Variants in CTTNBP2 observed in about 807,000 individuals in gnomAD.
CTTNBP2 encodes cortactin binding protein 2.
A neutral mutation model predicts 156.9 loss-of-function variants in CTTNBP2; 108 were observed. The ratio of observed to expected loss-of-function variants is 0.69; its 90% CI spans 0.59 to 0.81. The LOEUF is 0.81. Ranked by LOEUF, CTTNBP2 falls within the 30% of genes least tolerant of loss-of-function variation. The pLI is 0.00. For missense variants in CTTNBP2, 1,924 were observed against 2,035.4 expected (o/e 0.95, Z 1.05); for synonymous variants, 767 against 751.8 (o/e 1.02, Z -0.33).
chr7:117,816,662 C>T (rs1214607218), intron 2 of CTTNBP2, among the ~76,000 whole-genome samples: 2 of 152,172 alleles, frequency 1.3e-5, no homozygotes, highest in Non-Finnish European at 2.9e-5. Context: ...TTTCAACAAA[C>T]AAAATGTGTA....
chr7:117,800,467 A>G (rs1303023317), intron 3 of CTTNBP2, among the ~76,000 whole-genome samples: 1 of 152,042 alleles, frequency 6.6e-6, no homozygotes, highest in Non-Finnish European at 1.5e-5. Flanking sequence ...AAAACTCATT[A>G]ATTTTTAGAC....
intron 1 of CTTNBP2, among the ~76,000 whole-genome samples, chr7:117,867,292 T>C (rs968582443): frequency 2.6e-5 from 4 of 152,150 alleles, no homozygotes; most frequent in Admixed American, 6.5e-5. Context: ...CTGGGTACTA[T>C]CTTTCTTCAG....
intron 2 of CTTNBP2, among the ~76,000 whole-genome samples, chr7:117,829,966 T>C (rs1404851991): frequency 2.0e-5 from 3 of 152,168 alleles, no homozygotes; most frequent in Non-Finnish European, 4.4e-5. Flanking sequence ...GCAGCTGTGT[T>C]TGAGAAAGAT....
At chr7:117,775,508 T>A (rs938256122) in intron 8 of CTTNBP2, among the ~76,000 whole-genome samples, 2 of 150,328 alleles carry the variant, frequency 1.3e-5, no homozygotes, top group Non-Finnish European at 3.0e-5. Context: ...CCCTGGGGAG[T>A]GGGTTCCTTT....
At chr7:117,831,183 A>G (rs1392190695) in intron 2 of CTTNBP2, among the ~76,000 whole-genome samples, 1 of 152,218 alleles carries the variant, frequency 6.6e-6, no homozygotes, top group Non-Finnish European at 1.5e-5. Flanking sequence ...GTGGATAAGC[A>G]AAAGAATCAG....
chr7:117,718,116 C>T lies in CTTNBP2; in HGVS notation c.4648G>A (p.Ala1550Thr). 1 of 1,607,496 alleles carries T rather than the reference C, an allele frequency of 6.2e-7. No individual in the cohort carries two copies. The highest frequency in any genetic ancestry group is 1.1e-5 in the South Asian group (1 of 90,670). ...SKSESDISKI[A>T]DSRDDLRMFD... The stretch of plus-strand genomic sequence containing the variant: ...ATCCTTAAATCATCCCTGGAATCAG[C>T]AATCTAGAAAATACAGAATTTGCCC... The change falls in exon 22 of 23, where the codon GCT becomes ACT. Residue 1550 changes from alanine (A) to threonine (T), a missense_variant. By Grantham distance (58) the Ala-to-Thr change is moderately conservative. Coordinates refer to ENST00000160373, the MANE Select transcript of CTTNBP2 (RefSeq NM_033427.3).
At chr7:117,854,335 G>T (rs1406379392) in intron 2 of CTTNBP2, among the ~76,000 whole-genome samples, 1 of 152,162 alleles carries the variant, frequency 6.6e-6, no homozygotes, top group Non-Finnish European at 1.5e-5. Flanking sequence ...AAGACTGCAT[G>T]TTTTACTTAG....
chr7:117,772,846 GCCCATGT>G (rs1286890172), intron 8 of CTTNBP2, among the ~76,000 whole-genome samples: 1 of 152,126 alleles, frequency 6.6e-6, no homozygotes, highest in Non-Finnish European at 1.5e-5. Flanking sequence ...ACACTGGATG[GCCCATGT>G]CTTGGATGAG....
intron 2 of CTTNBP2, among the ~76,000 whole-genome samples, chr7:117,847,114 G>T (rs963767882): frequency 1.3e-5 from 2 of 151,796 alleles, no homozygotes; most frequent in Non-Finnish European, 2.9e-5. Flanking sequence ...AGATTACAGG[G>T]TTACCAAAAT....
chr7:117,810,884 C>G lies in CTTNBP2; in HGVS notation c.295G>C (p.Glu99Gln). 1 of 1,614,122 alleles carries G rather than the reference C, an allele frequency of 6.2e-7. No homozygotes were observed. Among genetic ancestry groups the G allele is most frequent in the Non-Finnish European group, 8.5e-7 (1 of 1,179,992 alleles). ...GGGTTGGTACAAACTGGCTTCTTCT[C>G]TTTGTCACCAGCACCTGCTTCATAG... Reference protein sequence around the residue: ...RDYEAGAGDKEKKPVCTNPLS... With the variant: ...RDYEAGAGDKQKKPVCTNPLS... Residue 99 changes from glutamate to glutamine, a missense_variant, in exon 3 of 23, where the codon GAG (glutamate) becomes CAG (glutamine). Physicochemically the swap from Glu to Gln is conservative, Grantham distance 29 (BLOSUM62 2). Coordinates refer to ENST00000160373, the MANE Select transcript of CTTNBP2 (RefSeq NM_033427.3).
At chr7:117,816,984 T>C (rs1386493758) in intron 2 of CTTNBP2, among the ~76,000 whole-genome samples, 1 of 151,886 alleles carries the variant, frequency 6.6e-6, no homozygotes, top group African/African-American at 2.4e-5. Context: ...CATAAACTAG[T>C]TTTAATAATA....
chr7:117,774,591 G>A (rs1205750204), intron 8 of CTTNBP2, among the ~76,000 whole-genome samples: 2 of 152,052 alleles, frequency 1.3e-5, no homozygotes, highest in African/African-American at 4.8e-5. Context: ...TTATGAGGTG[G>A]AACAGTTTCA....
chr7:117,718,720 T>A (rs191817347), intron 21 of CTTNBP2, among the ~76,000 whole-genome samples: 1 of 152,334 alleles, frequency 6.6e-6, no homozygotes, highest in African/African-American at 2.4e-5. Flanking sequence ...TTAGAGATTA[T>A]GATGATATGC....
At chr7:117,836,528 AC>A (rs879393744) in intron 2 of CTTNBP2, among the ~76,000 whole-genome samples, 8 of 152,170 alleles carry the variant, frequency 5.3e-5, no homozygotes, top group Admixed American at 1.3e-4. Flanking sequence ...GCGCCACTGC[AC>A]TCCAGCCTGG....
At position 117,792,349 on chromosome 7, in the gene CTTNBP2, G is replaced by A. The variant is rs369509225; in HGVS notation, c.847C>T (p.Arg283Trp). Reference sequence around the variant, plus strand: ...ACCAAACGCCTATCTTTTGTCTTCCGTGGAAGAGAGAGGCTTGGTTTGCTG... The same window carrying A: ...ACCAAACGCCTATCTTTTGTCTTCCATGGAAGAGAGAGGCTTGGTTTGCTG... ...SDSKPSLSLP[R>W]KTKDRRLVSI... Residue 283 changes from arginine to tryptophan, a missense_variant, in exon 4 of 23, where the codon CGG becomes TGG. Arg to Trp is a moderately radical substitution (Grantham distance 101). Transcript: ENST00000160373. The surrounding 1 kb of genome is among the most constrained non-coding windows in gnomAD (Gnocchi z 4.2). The A allele has an allele frequency of 1.4e-5, 22 of 1,614,136 alleles. No individual in the cohort carries two copies. The highest frequency in any genetic ancestry group is 1.3e-4 in the African/African-American group (10 of 75,032).
intron 9 of CTTNBP2, among the ~76,000 whole-genome samples, chr7:117,765,382 A>G (rs1418055306): frequency 6.6e-6 from 1 of 152,014 alleles, no homozygotes; most frequent in Non-Finnish European, 1.5e-5. Context: ...GAAATGATCC[A>G]CTCTTTTGCA....
chr7:117,774,281 C>A (rs1797979523), intron 8 of CTTNBP2, among the ~76,000 whole-genome samples: 1 of 152,126 alleles, frequency 6.6e-6, no homozygotes, highest in Non-Finnish European at 1.5e-5. Flanking sequence ...ATTTGATCTT[C>A]AGGAATTAGT....
intron 3 of CTTNBP2, among the ~76,000 whole-genome samples, chr7:117,802,447 A>AC (rs1234308055): frequency 2.8e-5 from 4 of 142,820 alleles, no homozygotes; most frequent in African/African-American, 1.1e-4. Context: ...CAAAAAAAAA[A>AC]AAAAAAAAAA....
chr7:117,751,585 T>TA (rs1796621940), intron 12 of CTTNBP2, among the ~76,000 whole-genome samples: 1 of 152,188 alleles, frequency 6.6e-6, no homozygotes, highest in East Asian at 1.9e-4. Context: ...ATTTGGAATA[T>TA]AAAAAACTGG....
Sources: gnomAD v4.1 joint callset for allele counts (sites outside exome capture counted in the v4.1 genomes callset) on GRCh38, gnomAD v4.1.1 for gene constraint, Gnocchi (gnomAD v3.1) non-coding constraint, MANE v1.5 for transcripts, NCBI Gene and HGNC (gene_info 2026-07-23, HGNC 2026-07-21) for gene names.